Variants in TLN2 observed in about 807,000 individuals in gnomAD.
The protein encoded by TLN2 is talin-2.
A neutral mutation model predicts 294.7 loss-of-function variants in TLN2; 118 were observed. That is an observed-to-expected ratio of 0.40 (90% CI 0.34 to 0.47). The LOEUF is 0.47. TLN2 is among the 20% of genes least tolerant of loss of function. The pLI, the probability that TLN2 is intolerant of heterozygous loss-of-function variation, is 0.84. For synonymous variants in TLN2, 1,431 were observed against 1,304.5 expected (o/e 1.10, Z -2.09); for missense variants, 3,083 against 3,282.2 (o/e 0.94, Z 1.48).
intron 1 of TLN2, among the ~76,000 whole-genome samples, chr15:62,483,650 G>A (rs904342679): frequency 1.3e-5 from 2 of 152,154 alleles, no homozygotes; most frequent in Admixed American, 1.3e-4. Context: ...GCTGTTGGCA[G>A]ACATAAGAAG....
chr15:62,491,380 A>ACC (rs2038717158), intron 1 of TLN2, among the ~76,000 whole-genome samples: 2 of 129,572 alleles, frequency 1.5e-5, no homozygotes, highest in Non-Finnish European at 3.2e-5. Flanking sequence ...ACACACACAC[A>ACC]CACACACACA....
At chr15:62,828,805 C>G (rs896861628) in intron 54 of TLN2, 6 of 152,206 alleles carry the variant, frequency 3.9e-5, no homozygotes, top group Non-Finnish European at 8.8e-5. Flanking sequence ...ATTCATTCAG[C>G]AAATGTTGAT....
intron 3 of TLN2, chr15:62,640,503 C>T: frequency 2.7e-6 from 1 of 375,170 alleles, no homozygotes; most frequent in Non-Finnish European, 5.2e-6. Flanking sequence ...TGTGCAGAGC[C>T]CCCATTGTGC....
chr15:62,660,586 A>G (rs2053704453), intron 9 of TLN2, among the ~76,000 whole-genome samples: 1 of 152,228 alleles, frequency 6.6e-6, no homozygotes, highest in Non-Finnish European at 1.5e-5. Flanking sequence ...AAAACAACAC[A>G]TAATCTAGTA....
chr15:62,398,547 A>C (rs2032750598), intron 1 of TLN2, among the ~76,000 whole-genome samples: 1 of 152,158 alleles, frequency 6.6e-6, no homozygotes, highest in Admixed American at 6.5e-5. Context: ...GGAACTTCCC[A>C]GAGACTTGTT....
At chr15:62,687,304 C>T (rs2057366631) in intron 12 of TLN2, among the ~76,000 whole-genome samples, 1 of 152,194 alleles carries the variant, frequency 6.6e-6, no homozygotes, top group Non-Finnish European at 1.5e-5. Flanking sequence ...CATTTCCCAG[C>T]TGTGTGACCT....
At chr15:62,441,129 C>T (rs2035524555) in intron 1 of TLN2, among the ~76,000 whole-genome samples, 2 of 152,058 alleles carry the variant, frequency 1.3e-5, no homozygotes, top group Admixed American at 6.6e-5. Flanking sequence ...GTAAGTGTAA[C>T]GTGGTTCCAG....
At chr15:62,832,280 T>C (rs938980564) in intron 54 of TLN2, 3 of 152,160 alleles carry the variant, frequency 2.0e-5, no homozygotes, top group African/African-American at 7.2e-5. Context: ...AGTTTTGTGT[T>C]ACATATATTT....
At chr15:62,485,746 G>A (rs189502497) in intron 1 of TLN2, among the ~76,000 whole-genome samples, 14 of 152,230 alleles carry the variant, frequency 9.2e-5, no homozygotes, top group East Asian at 3.9e-4. Flanking sequence ...GCTCCTCACC[G>A]CTTCCTGGCT....
chr15:62,549,498 A>G (rs1418944059), intron 1 of TLN2, among the ~76,000 whole-genome samples: 3 of 151,116 alleles, frequency 2.0e-5, no homozygotes, highest in African/African-American at 7.4e-5. Context: ...CCATCCATCC[A>G]TCCATCCATC....
At chr15:62,742,706 T>G (rs2061409384) in intron 32 of TLN2, among the ~76,000 whole-genome samples, 1 of 152,206 alleles carries the variant, frequency 6.6e-6, no homozygotes, top group Non-Finnish European at 1.5e-5. Context: ...GGTGATTTCA[T>G]AGCCAGGTAA....
chr15:62,420,298 G>T (rs545870052), intron 1 of TLN2, among the ~76,000 whole-genome samples: 1 of 152,228 alleles, frequency 6.6e-6, no homozygotes, highest in Non-Finnish European at 1.5e-5. Context: ...ATTTTGGATG[G>T]TAATGATTAA....
chr15:62,533,293 C>G (rs981457297), intron 1 of TLN2, among the ~76,000 whole-genome samples: 1 of 147,654 alleles, frequency 6.8e-6, no homozygotes, highest in African/African-American at 2.5e-5. Flanking sequence ...TTCTTGGGCC[C>G]AGGAATGGGA....
chr15:62,391,315 G>T (rs1371234082), intron 1 of TLN2, among the ~76,000 whole-genome samples: 1 of 152,248 alleles, frequency 6.6e-6, no homozygotes, highest in Non-Finnish European at 1.5e-5. Context: ...CGCCACGGGC[G>T]AACTGCTGGC....
intron 7 of TLN2, among the ~76,000 whole-genome samples, chr15:62,655,580 T>G (rs2053115124): frequency 8.5e-5 from 1 of 11,716 alleles, no homozygotes. Context: ...TATACATTCA[T>G]TGTAGCACAT....
chr15:62,794,974 G>A (rs1349327133), intron 46 of TLN2, among the ~76,000 whole-genome samples: 1 of 152,180 alleles, frequency 6.6e-6, no homozygotes, highest in Non-Finnish European at 1.5e-5. Flanking sequence ...AAGACTCAAA[G>A]AGCCTCCAGC....
At chr15:62,537,603 G>A (rs2041435532) in intron 1 of TLN2, among the ~76,000 whole-genome samples, 1 of 152,158 alleles carries the variant, frequency 6.6e-6, no homozygotes, top group South Asian at 2.1e-4. Context: ...TGATTTACTT[G>A]CTTAGTCCCT....
chr15:62,762,350 C>T lies in TLN2; in HGVS notation c.4858C>T (p.Arg1620Cys), dbSNP rs200886764. The change falls in exon 39 of 59, where the codon CGC becomes TGC. Residue 1620 changes from arginine (R) to cysteine (C), a missense_variant. Transcript: ENST00000636159. ...TTCATCGTACCTCATTCGCACTGCACGCTCTCTGGCCATCAACCCCAAAGA... is the reference window on the plus strand; with the variant it reads ...TTCATCGTACCTCATTCGCACTGCATGCTCTCTGGCCATCAACCCCAAAGA... The part of the protein sequence containing the change: ...ESSSYLIRTA[R>C]SLAINPKDPP... The T allele has an allele frequency of 3.0e-5, 48 of 1,614,196 alleles. No individual in the cohort carries two copies. Among genetic ancestry groups the T allele is most frequent in the Admixed American group, 2.0e-4 (12 of 60,034 alleles).
chr15:62,561,857 C>CT (rs1567102463), intron 1 of TLN2, among the ~76,000 whole-genome samples: 3 of 152,034 alleles, frequency 2.0e-5, no homozygotes, highest in African/African-American at 7.2e-5. Context: ...TTTTTCTTTC[C>CT]TTTTTTTCCC....
Sources: allele counts gnomAD v4.1 joint callset (sites outside exome capture counted in the v4.1 genomes callset), GRCh38; gene constraint gnomAD v4.1.1; transcripts MANE v1.5; gene names NCBI Gene and HGNC (gene_info 2026-07-23, HGNC 2026-07-21).